Variants in POFUT3 observed in about 807,000 individuals in gnomAD.
POFUT3 encodes protein O-fucosyltransferase 3, also known as GDP-fucose protein O-fucosyltransferase 3.
At chr8:33,372,176 G>A in the POFUT3 span, 146 of 993,638 alleles carry the variant, frequency 1.5e-4, no homozygotes, top group Non-Finnish European at 1.7e-4. Context: ...GTTCATGCTC[G>A]GCTGCAGGAT....
At chr8:33,336,260 C>T in the POFUT3 span, among the ~76,000 whole-genome samples, 67 of 152,286 alleles carry the variant, frequency 4.4e-4, 1 homozygote, top group African/African-American at 1.1e-3. Context: ...CTTCAAGCTA[C>T]GAGTGTGAAA....
chr8:33,370,085 A>T, the POFUT3 span, among the ~76,000 whole-genome samples: 1 of 146,370 alleles, frequency 6.8e-6, no homozygotes, highest in Admixed American at 7.3e-5. Flanking sequence ...TAATCCCAGC[A>T]CTTTAGGAGG....
the POFUT3 span, among the ~76,000 whole-genome samples, chr8:33,363,249 C>T: frequency 6.6e-6 from 1 of 152,200 alleles, no homozygotes; most frequent in Non-Finnish European, 1.5e-5. Flanking sequence ...GTACCAGAAT[C>T]TCTGGGACAC....
At chr8:33,459,471 C>G in the POFUT3 span, among the ~76,000 whole-genome samples, 1 of 150,544 alleles carries the variant, frequency 6.6e-6, no homozygotes, top group East Asian at 1.9e-4. Flanking sequence ...GAAACCCCAT[C>G]TCTACAAAAA....
the POFUT3 span, among the ~76,000 whole-genome samples, chr8:33,311,570 C>A: frequency 6.6e-6 from 1 of 152,152 alleles, no homozygotes; most frequent in Non-Finnish European, 1.5e-5. Flanking sequence ...AAGACTGAAG[C>A]AAAAGCTTTG....
the POFUT3 span, among the ~76,000 whole-genome samples, chr8:33,309,851 T>C: frequency 6.6e-6 from 1 of 152,138 alleles, no homozygotes; most frequent in African/African-American, 2.4e-5. Context: ...GGAAACTGAA[T>C]GGTTATCCAA....
the POFUT3 span, among the ~76,000 whole-genome samples, chr8:33,400,153 G>C: frequency 6.9e-6 from 1 of 144,002 alleles, no homozygotes; most frequent in Non-Finnish European, 1.5e-5. Context: ...AAAAAAGATG[G>C]TGGGGGGGTG....
At chr8:33,336,492 C>A in the POFUT3 span, among the ~76,000 whole-genome samples, 1 of 152,188 alleles carries the variant, frequency 6.6e-6, no homozygotes, top group Admixed American at 6.5e-5. Context: ...TTTTAACAAC[C>A]AGCTCGCACA....
the POFUT3 span, among the ~76,000 whole-genome samples, chr8:33,388,329 C>CTTTTTTTTT: frequency 1.2e-5 from 1 of 83,864 alleles, no homozygotes; most frequent in Non-Finnish European, 2.2e-5. Flanking sequence ...AAGCAGAACT[C>CTTTTTTTTT]TTTTTTTTTT....
chr8:33,368,727 T>A, the POFUT3 span, among the ~76,000 whole-genome samples: 3 of 152,208 alleles, frequency 2.0e-5, no homozygotes, highest in Non-Finnish European at 4.4e-5. Context: ...ACTTCAAATC[T>A]AAATAATATG....
At chr8:33,310,026 T>C in the POFUT3 span, among the ~76,000 whole-genome samples, 1 of 152,132 alleles carries the variant, frequency 6.6e-6, no homozygotes, top group Non-Finnish European at 1.5e-5. Context: ...AGATTAAAAA[T>C]AGGAAGGGAT....
chr8:33,355,707 C>T, the POFUT3 span, among the ~76,000 whole-genome samples: 2 of 151,594 alleles, frequency 1.3e-5, no homozygotes, highest in Non-Finnish European at 2.9e-5. Context: ...TTTTAGGGTA[C>T]ATGTGCACAA....
the POFUT3 span, among the ~76,000 whole-genome samples, chr8:33,308,279 AG>A: frequency 6.6e-6 from 1 of 152,220 alleles, no homozygotes; most frequent in South Asian, 2.1e-4. Context: ...AAGCCAACAA[AG>A]GAGATAAAAA....
the POFUT3 span, among the ~76,000 whole-genome samples, chr8:33,340,463 G>T: frequency 6.6e-6 from 1 of 151,346 alleles, no homozygotes; most frequent in East Asian, 1.9e-4. Flanking sequence ...AATATAAATG[G>T]TCTAAATACA....
At chr8:33,384,499 C>T in the POFUT3 span, among the ~76,000 whole-genome samples, 5 of 152,116 alleles carry the variant, frequency 3.3e-5, no homozygotes, top group African/African-American at 1.2e-4. Context: ...CATACCTCTG[C>T]CTACTCTATC....
At chr8:33,429,238 G>C in the POFUT3 span, among the ~76,000 whole-genome samples, 3 of 152,132 alleles carry the variant, frequency 2.0e-5, no homozygotes, top group Non-Finnish European at 4.4e-5. Flanking sequence ...ATTTACTGCA[G>C]TACTCTCGGA....
At chr8:33,459,102 G>T in the POFUT3 span, among the ~76,000 whole-genome samples, 1 of 152,188 alleles carries the variant, frequency 6.6e-6, no homozygotes, top group Non-Finnish European at 1.5e-5. Context: ...CACTTTGGGA[G>T]AACAAGGCAG....
At chr8:33,428,404 A>G in the POFUT3 span, among the ~76,000 whole-genome samples, 1 of 152,192 alleles carries the variant, frequency 6.6e-6, no homozygotes, top group African/African-American at 2.4e-5. Flanking sequence ...GGCTCTTATA[A>G]TTTTATAGGA....
chr8:33,399,771 A>C, the POFUT3 span, among the ~76,000 whole-genome samples: 4 of 151,928 alleles, frequency 2.6e-5, no homozygotes, highest in Non-Finnish European at 2.9e-5. Flanking sequence ...CTCCCACCTC[A>C]GCCTCCCCAG....
Sources: allele counts gnomAD v4.1 joint callset (sites outside exome capture counted in the v4.1 genomes callset), GRCh38; gene constraint gnomAD v4.1.1; transcripts MANE v1.5; gene names NCBI Gene and HGNC (gene_info 2026-07-23, HGNC 2026-07-21).